CDH18: variants seen among roughly 807,000 people sequenced by gnomAD.
CDH18 encodes cadherin-18.
CDH18 carries 31 observed loss-of-function variants against 67.9 expected under a neutral mutation model. That is an observed-to-expected ratio of 0.46 (90% CI 0.34 to 0.62). The LOEUF (loss-of-function observed/expected upper bound fraction) is 0.62, where lower values mean the gene tolerates loss of function less well. Among genes scored for constraint, CDH18 ranks in the 20% least tolerant of loss-of-function variants. CDH18 has a pLI of 0.01. For synonymous variants in CDH18, 362 were observed against 347.2 expected, an observed-to-expected ratio of 1.04 and a Z score of -0.48; for missense variants, 890 against 975.5, an observed-to-expected ratio of 0.91 and a Z score of 1.17.
intron 2 of CDH18, among the ~76,000 whole-genome samples, chr5:19,921,486 G>A (rs574142270): frequency 5.4e-5 from 8 of 148,584 alleles, no homozygotes; most frequent in East Asian, 2.0e-4. Context: ...AGCCGAGATC[G>A]CTCCACTGCA....
chr5:19,720,136 A>G (rs1191869201), intron 5 of CDH18, among the ~76,000 whole-genome samples: 1 of 152,178 alleles, frequency 6.6e-6, no homozygotes, highest in African/African-American at 2.4e-5. Flanking sequence ...GTGCTTATCT[A>G]TACCATGTTT....
intron 2 of CDH18, among the ~76,000 whole-genome samples, chr5:19,871,472 T>C (rs1441568652): frequency 1.3e-5 from 2 of 152,182 alleles, no homozygotes; most frequent in Non-Finnish European, 2.9e-5. Context: ...CGAAATGAAA[T>C]AGCACATAGC....
intron 5 of CDH18, among the ~76,000 whole-genome samples, chr5:19,629,477 T>C (rs546173319): frequency 3.3e-5 from 5 of 152,242 alleles, no homozygotes; most frequent in South Asian, 4.2e-4. Context: ...AAAGGGCCAC[T>C]TATTACAGTT....
chr5:20,166,618 A>G (rs538739865), intron 2 of CDH18, among the ~76,000 whole-genome samples: 1 of 152,218 alleles, frequency 6.6e-6, no homozygotes, highest in East Asian at 1.9e-4. Flanking sequence ...GCCACTGGAG[A>G]TCTGAATGAT....
intron 1 of CDH18, among the ~76,000 whole-genome samples, chr5:20,529,599 A>G (rs769350270): frequency 6.6e-6 from 1 of 152,094 alleles, no homozygotes; most frequent in African/African-American, 2.4e-5. Context: ...ACAAATCAAT[A>G]TACGTAATTC....
chr5:19,873,107 TGTCA>T (rs1162475548), intron 2 of CDH18, among the ~76,000 whole-genome samples: 1 of 152,030 alleles, frequency 6.6e-6, no homozygotes, highest in East Asian at 1.9e-4. Flanking sequence ...TGGCTAGTTT[TGTCA>T]ACCTAGGTAC....
intron 9 of CDH18, among the ~76,000 whole-genome samples, chr5:19,534,022 C>G (rs1293302021): frequency 1.3e-5 from 2 of 152,042 alleles, no homozygotes; most frequent in African/African-American, 2.4e-5. Context: ...CAATATGATA[C>G]TAACACTGGG....
At chr5:19,921,354 AC>A (rs1792445698) in intron 2 of CDH18, among the ~76,000 whole-genome samples, 2 of 152,084 alleles carry the variant, frequency 1.3e-5, no homozygotes, top group Non-Finnish European at 2.9e-5. Context: ...ACACAGTGAA[AC>A]CCTGTCTCTA....
At chr5:20,509,676 C>T (rs112139325) in intron 1 of CDH18, among the ~76,000 whole-genome samples, 1 of 11,962 alleles carries the variant, frequency 8.4e-5, no homozygotes, top group South Asian at 3.7e-3. Flanking sequence ...GCCTTGGCCT[C>T]CTAAAGTGCT....
At chr5:19,874,491 G>T (rs1361756776) in intron 2 of CDH18, among the ~76,000 whole-genome samples, 1 of 151,944 alleles carries the variant, frequency 6.6e-6, no homozygotes, top group Non-Finnish European at 1.5e-5. Flanking sequence ...TTTAATCTTT[G>T]TTCAAAGATA....
intron 1 of CDH18, among the ~76,000 whole-genome samples, chr5:20,557,309 A>G: frequency 6.6e-6 from 1 of 152,228 alleles, no homozygotes; most frequent in Admixed American, 6.5e-5. Context: ...AAATGTAAGT[A>G]AAGAAAATAT....
chr5:20,275,128 T>C (rs1745710473), intron 1 of CDH18, among the ~76,000 whole-genome samples: 1 of 152,154 alleles, frequency 6.6e-6, no homozygotes, highest in East Asian at 1.9e-4. Flanking sequence ...GAAATGATAT[T>C]GGGACCTGAG....
At chr5:19,871,347 ACTATT>A (rs1389899387) in intron 2 of CDH18, among the ~76,000 whole-genome samples, 2 of 152,134 alleles carry the variant, frequency 1.3e-5, no homozygotes, top group Non-Finnish European at 2.9e-5. Context: ...CAATTCATAT[ACTATT>A]CTAAAGTCTA....
chr5:19,795,207 T>C (rs1364560834), intron 3 of CDH18, among the ~76,000 whole-genome samples: 1 of 152,088 alleles, frequency 6.6e-6, no homozygotes, highest in East Asian at 1.9e-4. Flanking sequence ...TCATAAATTA[T>C]GAGACTTCCT....
intron 10 of CDH18, among the ~76,000 whole-genome samples, chr5:19,516,741 TCTTC>T (rs1746078585): frequency 6.6e-6 from 1 of 152,170 alleles, no homozygotes; most frequent in Non-Finnish European, 1.5e-5. Flanking sequence ...TTCTCTCTTT[TCTTC>T]CTTATTAGTC....
intron 1 of CDH18, among the ~76,000 whole-genome samples, chr5:20,544,704 C>T (rs1175836507): frequency 3.9e-5 from 6 of 152,138 alleles, no homozygotes. Context: ...AGGTCCCACC[C>T]TCAACGTGTG....
intron 2 of CDH18, among the ~76,000 whole-genome samples, chr5:19,912,876 G>C (rs546735782): frequency 6.6e-6 from 1 of 152,218 alleles, no homozygotes; most frequent in African/African-American, 2.4e-5. Flanking sequence ...GCAAAGATAG[G>C]ACACTGAGGC....
intron 2 of CDH18, among the ~76,000 whole-genome samples, chr5:20,247,164 A>G (rs575595405): frequency 3.3e-5 from 5 of 152,124 alleles, no homozygotes; most frequent in South Asian, 4.1e-4. Flanking sequence ...AAGAATAAAG[A>G]TGCTGTTCCT....
At chr5:20,115,233 C>T (rs1390900093) in intron 2 of CDH18, among the ~76,000 whole-genome samples, 1 of 139,994 alleles carries the variant, frequency 7.1e-6, no homozygotes, top group Non-Finnish European at 1.5e-5. Flanking sequence ...TATAAGGACA[C>T]TAATACCATC....
Sources: gnomAD v4.1 joint callset for allele counts (sites outside exome capture counted in the v4.1 genomes callset) on GRCh38, gnomAD v4.1.1 for gene constraint, MANE v1.5 for transcripts, NCBI Gene and HGNC (gene_info 2026-07-23, HGNC 2026-07-21) for gene names.